Variants in THSD7A observed in about 807,000 individuals in gnomAD.
THSD7A encodes the protein thrombospondin type 1 domain containing 7A.
In THSD7A, 96 loss-of-function variants were observed where a neutral mutation model predicts 231.3. The ratio of observed to expected loss-of-function variants is 0.41; its 90% CI spans 0.35 to 0.49. THSD7A has a LOEUF of 0.49. Among genes scored for constraint, THSD7A ranks in the 20% least tolerant of loss-of-function variants. The pLI is 0.05. For synonymous variants in THSD7A, 940 were observed against 743.3 expected, an observed-to-expected ratio of 1.26 and a Z score of -4.30; for missense variants, 2,290 against 2,070.2, an observed-to-expected ratio of 1.11 and a Z score of -2.06.
chr7:11,562,741 TC>T (rs1790127438), intron 4 of THSD7A, among the ~76,000 whole-genome samples: 1 of 152,340 alleles, frequency 6.6e-6, no homozygotes, highest in African/African-American at 2.4e-5. Flanking sequence ...TAAATTTTTT[TC>T]AGTAAGTTAA....
At chr7:11,672,652 A>G (rs752013904) in intron 1 of THSD7A, among the ~76,000 whole-genome samples, 1 of 152,158 alleles carries the variant, frequency 6.6e-6, no homozygotes, top group African/African-American at 2.4e-5. Context: ...ATTTGATTTC[A>G]TAGTATCACA....
chr7:11,664,792 A>C (rs1401704412), intron 1 of THSD7A, among the ~76,000 whole-genome samples: 1 of 152,028 alleles, frequency 6.6e-6, no homozygotes, highest in Non-Finnish European at 1.5e-5. Context: ...GAGACCCCAG[A>C]CAATCCTTTC....
intron 1 of THSD7A, among the ~76,000 whole-genome samples, chr7:11,741,450 T>A (rs1782109828): frequency 6.6e-6 from 1 of 151,918 alleles, no homozygotes; most frequent in South Asian, 2.1e-4. Flanking sequence ...TTATGGTTAA[T>A]TTTGTGGGAA....
rs1048115411 is a variant in THSD7A, at chr7:11,634,589, A to C, written c.1022+1541T>G. Among the ~76,000 whole-genome samples the C allele has an allele frequency of 7.2e-5, 6 of 83,050 alleles. No homozygotes were observed. The highest frequency in any genetic ancestry group is 1.4e-4 in the Non-Finnish European group (5 of 36,012). The allele number at this position is 83,050 out of a possible 152,430, so 54.5% of individuals were successfully genotyped here. ...GAAAATATACATGATACAGAATCAG[A>C]GGTACACACACACACACACACATAC... is the stretch of plus-strand genomic sequence containing the variant. On this transcript the variant is annotated intron_variant, in intron 2 of 27. Coordinates refer to ENST00000423059, the MANE Select transcript of THSD7A (RefSeq NM_015204.3). The surrounding 1 kb of genome is among the most constrained non-coding windows in gnomAD (Gnocchi z 4.1).
At chr7:11,534,705 A>T (rs1251200538) in intron 6 of THSD7A, among the ~76,000 whole-genome samples, 1 of 152,168 alleles carries the variant, frequency 6.6e-6, no homozygotes, top group Admixed American at 6.5e-5. Flanking sequence ...AAGTCATGGG[A>T]AGACAATATT....
At chr7:11,726,118 T>G (rs1005587557) in intron 1 of THSD7A, among the ~76,000 whole-genome samples, 6 of 152,038 alleles carry the variant, frequency 3.9e-5, no homozygotes, top group African/African-American at 1.4e-4. Flanking sequence ...CCATAAAAGC[T>G]AAATTTAAAA....
At position 11,636,389 on chromosome 7, in the gene THSD7A, G is replaced by T; in HGVS notation, c.763C>A (p.Leu255Met). The change falls in exon 2 of 28, where the codon CTG (leucine) becomes ATG (methionine). Residue 255 changes from leucine to methionine, a missense_variant. Leu to Met is a conservative substitution (Grantham distance 15, BLOSUM62 2). Coordinates refer to ENST00000423059, the MANE Select transcript of THSD7A (RefSeq NM_015204.3). This position sits in a 1 kb window ranked among gnomAD's most constrained non-coding sequence, Gnocchi z 10.0. ...CAGGTGCTCCAGGGCCCCACATGCA[G>T]GCTGTACCTGAGCTCCTCGGCCTCG... ...PCEAEELRYS[L>M]HVGPWSTCSM... 6.2e-7 allele frequency: 1 copy of T among 1,613,838 alleles called. No individual in the cohort carries two copies. Among genetic ancestry groups the T allele is most frequent in the Non-Finnish European group, 8.5e-7 (1 of 1,179,904 alleles).
intron 4 of THSD7A, among the ~76,000 whole-genome samples, chr7:11,586,471 G>C (rs1352838845): frequency 6.6e-6 from 1 of 152,072 alleles, no homozygotes; most frequent in Non-Finnish European, 1.5e-5. Flanking sequence ...CACACTTCAG[G>C]TGGAACTATC....
chr7:11,403,033 C>G (rs186788333), intron 22 of THSD7A, among the ~76,000 whole-genome samples: 103 of 152,194 alleles, frequency 6.8e-4, no homozygotes, highest in African/African-American at 2.4e-3. Flanking sequence ...ATTTTAAGAA[C>G]AGAAAAGATT....
chr7:11,421,169 G>A (rs1399299887), intron 16 of THSD7A, among the ~76,000 whole-genome samples: 1 of 152,146 alleles, frequency 6.6e-6, no homozygotes, highest in African/African-American at 2.4e-5. Context: ...TTTGGGAAGT[G>A]CCAGGGTGGA....
chr7:11,533,729 C>G (rs1169993900), intron 6 of THSD7A, among the ~76,000 whole-genome samples: 2 of 152,056 alleles, frequency 1.3e-5, no homozygotes, highest in African/African-American at 2.4e-5. Flanking sequence ...ACACCAGGGC[C>G]TGTCGGGTGT....
At chr7:11,793,805 T>A (rs1784038627) in intron 1 of THSD7A, among the ~76,000 whole-genome samples, 1 of 151,928 alleles carries the variant, frequency 6.6e-6, no homozygotes, top group South Asian at 2.1e-4. Context: ...AATGTTGGCA[T>A]GTTGCTTTGG....
intron 7 of THSD7A, among the ~76,000 whole-genome samples, chr7:11,478,073 C>T (rs957747836): frequency 6.6e-6 from 1 of 152,166 alleles, no homozygotes; most frequent in African/African-American, 2.4e-5. Context: ...AAAAAACCAA[C>T]TCTCACTATG....
At chr7:11,396,071 ATAAG>A (rs1783174891) in intron 23 of THSD7A, among the ~76,000 whole-genome samples, 1 of 152,240 alleles carries the variant, frequency 6.6e-6, no homozygotes, top group East Asian at 1.9e-4. Flanking sequence ...TAAAGCAGAA[ATAAG>A]TAAGTAAGTT....
intron 17 of THSD7A, among the ~76,000 whole-genome samples, chr7:11,416,783 C>G (rs1036294437): frequency 6.6e-6 from 1 of 152,294 alleles, no homozygotes; most frequent in African/African-American, 2.4e-5. Context: ...GCAGCCAGTT[C>G]TGTTTCAAAT....
chr7:11,459,514 C>G (rs554251756), intron 11 of THSD7A, among the ~76,000 whole-genome samples: 1 of 151,886 alleles, frequency 6.6e-6, no homozygotes, highest in African/African-American at 2.4e-5. Context: ...TTATGTTTTA[C>G]CCAAAGTTGA....
intron 2 of THSD7A, among the ~76,000 whole-genome samples, chr7:11,633,012 A>G (rs1781711618): frequency 6.6e-6 from 1 of 151,866 alleles, no homozygotes; most frequent in African/African-American, 2.4e-5. Context: ...TATGTCATTG[A>G]CTCTTTTCAC....
chr7:11,584,512 C>T (rs1437702236), intron 4 of THSD7A, among the ~76,000 whole-genome samples: 1 of 151,840 alleles, frequency 6.6e-6, no homozygotes, highest in East Asian at 1.9e-4. Flanking sequence ...TTCGTGTAAG[C>T]TAGTCTGTCA....
chr7:11,624,386 T>G (rs1380856872), intron 2 of THSD7A, among the ~76,000 whole-genome samples: 1 of 152,100 alleles, frequency 6.6e-6, no homozygotes, highest in African/African-American at 2.4e-5. Flanking sequence ...AGGCTTCTTT[T>G]CAAAAGTTAT....
Sources: allele counts gnomAD v4.1 joint callset (sites outside exome capture counted in the v4.1 genomes callset), GRCh38; gene constraint gnomAD v4.1.1; non-coding constraint Gnocchi (gnomAD v3.1); transcripts MANE v1.5; gene names NCBI Gene and HGNC (gene_info 2026-07-23, HGNC 2026-07-21).